The following RIMS2 variants were observed in gnomAD, a reference collection of about 807,000 sequenced individuals.
RIMS2 encodes regulating synaptic membrane exocytosis protein 2.
Under a neutral mutation model 174.4 loss-of-function variants are expected in RIMS2, and 59 were observed. The observed-to-expected ratio is 0.34, with a 90% CI of 0.27 to 0.42. RIMS2 has a LOEUF of 0.42. RIMS2 is among the 10% of genes least tolerant of loss of function. The pLI, the probability that RIMS2 is intolerant of heterozygous loss-of-function variation, is 1.00. For synonymous variants in RIMS2, 606 were observed against 572.5 expected, an observed-to-expected ratio of 1.06 and a Z score of -0.84; for missense variants, 1,620 against 1,666.3, an observed-to-expected ratio of 0.97 and a Z score of 0.48.
chr8:103,873,859 A>G (rs551007753), intron 3 of RIMS2, among the ~76,000 whole-genome samples: 1 of 152,250 alleles, frequency 6.6e-6, no homozygotes, highest in East Asian at 1.9e-4. Context: ...ATGACAGCTG[A>G]TAAGAAAGCA....
chr8:104,144,090 T>C (rs1221599796), intron 19 of RIMS2, among the ~76,000 whole-genome samples: 1 of 152,186 alleles, frequency 6.6e-6, no homozygotes, highest in Non-Finnish European at 1.5e-5. Context: ...ATACTTGTGT[T>C]TCACTTGCTT....
chr8:104,070,702 G>A (rs2154561583), intron 19 of RIMS2, among the ~76,000 whole-genome samples: 1 of 152,126 alleles, frequency 6.6e-6, no homozygotes, highest in African/African-American at 2.4e-5. Flanking sequence ...TGTGTCTTCA[G>A]ATAACATAAA....
At chr8:103,853,346 C>T (rs1271592363) in intron 3 of RIMS2, among the ~76,000 whole-genome samples, 2 of 151,974 alleles carry the variant, frequency 1.3e-5, no homozygotes, top group East Asian at 3.9e-4. Flanking sequence ...TCTGTTTACT[C>T]TGTTAATAGT....
At chr8:103,790,825 T>A (rs1255104777) in intron 3 of RIMS2, among the ~76,000 whole-genome samples, 3 of 152,240 alleles carry the variant, frequency 2.0e-5, no homozygotes, top group Non-Finnish European at 4.4e-5. Context: ...GTTATGATTT[T>A]ATGTTTACAT....
At chr8:104,040,148 C>T (rs2096584499) in intron 19 of RIMS2, among the ~76,000 whole-genome samples, 1 of 151,590 alleles carries the variant, frequency 6.6e-6, no homozygotes, top group African/African-American at 2.4e-5. Context: ...GGAAATCATT[C>T]TCTAAAGAGC....
At chr8:103,736,680 G>T (rs978821558) in intron 2 of RIMS2, among the ~76,000 whole-genome samples, 8 of 152,092 alleles carry the variant, frequency 5.3e-5, no homozygotes, top group African/African-American at 1.9e-4. Context: ...TTTAATTTGA[G>T]AATTGGATTT....
intron 1 of RIMS2, among the ~76,000 whole-genome samples, chr8:103,650,125 G>A (rs748889151): frequency 1.3e-5 from 2 of 152,076 alleles, no homozygotes; most frequent in South Asian, 2.1e-4. Flanking sequence ...TTTTATTGAC[G>A]TTGTTGTTGT....
chr8:104,038,216 T>C (rs2096551559), intron 19 of RIMS2, among the ~76,000 whole-genome samples: 1 of 152,068 alleles, frequency 6.6e-6, no homozygotes, highest in South Asian at 2.1e-4. Flanking sequence ...ATGAGTTTAT[T>C]CATTATATTT....
At chr8:103,750,006 A>AT (rs912000561) in intron 2 of RIMS2, among the ~76,000 whole-genome samples, 5 of 151,610 alleles carry the variant, frequency 3.3e-5, no homozygotes, top group Admixed American at 1.3e-4. Context: ...CCTCCAAGTA[A>AT]TTTTTTTTTA....
At chr8:103,674,136 G>C (rs117141926) in intron 1 of RIMS2, among the ~76,000 whole-genome samples, 1 of 152,308 alleles carries the variant, frequency 6.6e-6, no homozygotes, top group Non-Finnish European at 1.5e-5. Flanking sequence ...ATTTCCATCT[G>C]AGACCTTGCC....
At chr8:104,029,495 T>C (rs575203515) in intron 19 of RIMS2, among the ~76,000 whole-genome samples, 3 of 152,320 alleles carry the variant, frequency 2.0e-5, no homozygotes, top group Admixed American at 6.5e-5. Context: ...CTATCAATCA[T>C]TGATAGCTTT....
intron 1 of RIMS2, among the ~76,000 whole-genome samples, chr8:103,511,870 C>A (rs1479515596): frequency 1.3e-5 from 2 of 152,136 alleles, no homozygotes; most frequent in Non-Finnish European, 2.9e-5. Context: ...ATGACAGAAA[C>A]AAATTTCAGA....
chr8:103,631,489 T>C (rs761824018), intron 1 of RIMS2, among the ~76,000 whole-genome samples: 3 of 152,248 alleles, frequency 2.0e-5, no homozygotes, highest in Non-Finnish European at 4.4e-5. Context: ...CATTGGTCTA[T>C]GTGCTAGTTT....
At chr8:104,036,471 C>T (rs2096520113) in intron 19 of RIMS2, among the ~76,000 whole-genome samples, 1 of 151,510 alleles carries the variant, frequency 6.6e-6, no homozygotes, top group African/African-American at 2.4e-5. Flanking sequence ...TTATTTTAAA[C>T]TCCCTCAGTA....
intron 1 of RIMS2, among the ~76,000 whole-genome samples, chr8:103,650,238 C>T (rs1340776505): frequency 6.6e-6 from 1 of 152,134 alleles, no homozygotes; most frequent in East Asian, 1.9e-4. Context: ...TTTTCTCCTT[C>T]CCAGAGTTAT....
At chr8:103,930,154 T>A (rs751286361) in intron 11 of RIMS2, among the ~76,000 whole-genome samples, 3 of 152,014 alleles carry the variant, frequency 2.0e-5, no homozygotes, top group Non-Finnish European at 4.4e-5. Context: ...CTCTTATTCC[T>A]ATAAAAGGGC....
chr8:103,697,787 G>A (rs1590606990), intron 2 of RIMS2, among the ~76,000 whole-genome samples: 1 of 152,036 alleles, frequency 6.6e-6, no homozygotes, highest in Non-Finnish European at 1.5e-5. Context: ...AGCACTTTAG[G>A]AGGCTGAGGT....
chr8:103,775,808 GT>G (rs1031014621), intron 3 of RIMS2, among the ~76,000 whole-genome samples: 12 of 152,046 alleles, frequency 7.9e-5, no homozygotes, highest in African/African-American at 2.9e-4. Context: ...ATAATAATTG[GT>G]TTTACTGCAT....
intron 2 of RIMS2, among the ~76,000 whole-genome samples, chr8:103,743,804 A>G (rs759115347): frequency 1.3e-5 from 2 of 152,154 alleles, no homozygotes; most frequent in Non-Finnish European, 2.9e-5. Context: ...TATTTCTGTT[A>G]CCAAGTTAAA....
Sources: allele counts gnomAD v4.1 joint callset (sites outside exome capture counted in the v4.1 genomes callset), GRCh38; gene constraint gnomAD v4.1.1; transcripts MANE v1.5; gene names NCBI Gene and HGNC (gene_info 2026-07-23, HGNC 2026-07-21).